MTHFD1: variants seen among roughly 807,000 people sequenced by gnomAD.
MTHFD1 encodes C-1-tetrahydrofolate synthase, cytoplasmic.
A neutral mutation model predicts 110.3 loss-of-function variants in MTHFD1; 44 were observed. The observed-to-expected ratio is 0.40, with a 90% CI of 0.31 to 0.51. MTHFD1 has a LOEUF of 0.51. Ranked by LOEUF, MTHFD1 falls within the 20% of genes least tolerant of loss-of-function variation. The pLI, the probability that MTHFD1 is intolerant of heterozygous loss-of-function variation, is 0.60. For missense variants in MTHFD1, 909 were observed against 1,173.1 expected, an observed-to-expected ratio of 0.77 and a Z score of 3.29; for synonymous variants, 402 against 428.8, an observed-to-expected ratio of 0.94 and a Z score of 0.77.
At chr14:64,389,295 G>A (rs867832724) in intron 1 of MTHFD1, among the ~76,000 whole-genome samples, 5 of 152,110 alleles carry the variant, frequency 3.3e-5, no homozygotes, top group Admixed American at 6.6e-5. Flanking sequence ...GTTTGCTCTT[G>A]GGACCTTTCA....
chr14:64,443,840 A>G (rs2078267367), intron 21 of MTHFD1, among the ~76,000 whole-genome samples: 1 of 152,114 alleles, frequency 6.6e-6, no homozygotes, highest in Non-Finnish European at 1.5e-5. Context: ...GGAGGGGAAC[A>G]TTTGCACATA....
chr14:64,441,010 T>C (rs1441411152), intron 18 of MTHFD1: 1 of 335,426 alleles, frequency 3.0e-6, no homozygotes, highest in Non-Finnish European at 5.8e-6. Flanking sequence ...GCTAACACAA[T>C]GAAACCCTGT....
rs1270219096 is a variant in MTHFD1 at position 64,424,346 on chromosome 14, TGAA to T, written c.728-457_728-455del. ...TAGCTGTGTCTTTGGAATTGGATGT[TGAA>T]TTGTTCCTCCAGCTCACACATGGAG... On this transcript the variant is annotated intron_variant, in intron 8 of 27. Transcript: ENST00000652337. 1.6e-4 allele frequency: 35 copies of T among 212,330 alleles called. No homozygotes were observed. In the Admixed American group the frequency reaches 1.7e-3, roughly 10 times the overall value. 13.2% of individuals were successfully genotyped at this position (212,330 alleles called of 1,614,324 possible).
At chr14:64,442,617 C>T (rs1304896970) in intron 21 of MTHFD1, among the ~76,000 whole-genome samples, 1 of 152,206 alleles carries the variant, frequency 6.6e-6, no homozygotes, top group Non-Finnish European at 1.5e-5. Flanking sequence ...AAATCGGCTG[C>T]CTGGCCTACC....
At chr14:64,421,271 G>A (rs1189928283) in intron 8 of MTHFD1, among the ~76,000 whole-genome samples, 1 of 152,168 alleles carries the variant, frequency 6.6e-6, no homozygotes, top group Non-Finnish European at 1.5e-5. Context: ...CAAGGGCAGT[G>A]GTCACTGTGG....
At chr14:64,448,658 G>T in intron 23 of MTHFD1, 1 of 314,260 alleles carries the variant, frequency 3.2e-6, no homozygotes. Flanking sequence ...TACTAGATCT[G>T]GTGGGATGTT....
At chr14:64,435,702 T>C in intron 16 of MTHFD1, 31 bp downstream of exon 16, 1 of 1,286,518 alleles carries the variant, frequency 7.8e-7, no homozygotes. Context: ...CCCCGTTTGT[T>C]TTGGCTATAT....
chr14:64,405,424 A>C (rs1310231679), intron 2 of MTHFD1, among the ~76,000 whole-genome samples: 1 of 152,188 alleles, frequency 6.6e-6, no homozygotes, highest in Non-Finnish European at 1.5e-5. Context: ...GTACTTTAGC[A>C]CCAGAGTCAA....
intron 16 of MTHFD1, among the ~76,000 whole-genome samples, chr14:64,437,446 C>T (rs1039427159): frequency 6.6e-6 from 1 of 152,182 alleles, no homozygotes; most frequent in Admixed American, 6.5e-5. Context: ...GTACTCTCAG[C>T]ACCTCACTTC....
At chr14:64,455,059 G>A in intron 26 of MTHFD1, 184 bp downstream of exon 26, 1 of 634,982 alleles carries the variant, frequency 1.6e-6, no homozygotes, top group Admixed American at 2.5e-5. Context: ...CTCTTGCTGT[G>A]GACCATCTTG....
At chr14:64,394,907 T>C (rs1280938366) in intron 1 of MTHFD1, among the ~76,000 whole-genome samples, 1 of 152,192 alleles carries the variant, frequency 6.6e-6, no homozygotes, top group African/African-American at 2.4e-5. Flanking sequence ...CCATTCTTTC[T>C]ACCTTCCCCT....
chr14:64,449,441 A>G lies in MTHFD1; in HGVS notation c.2280-4A>G. The stretch of plus-strand genomic sequence containing the variant: ...TGCTTTGATATGAAATGCTTCCTTT[A>G]TAGGACGGATACAGAGTCTGAGCTG... On this transcript the variant is annotated splice_region_variant and splice_polypyrimidine_tract_variant and intron_variant, in intron 23 of 27. Transcript: ENST00000652337. 2 of 1,612,996 alleles carry G rather than the reference A, an allele frequency of 1.2e-6. No homozygotes were observed. Among genetic ancestry groups the G allele is most frequent in the African/African-American group, 2.7e-5 (2 of 75,030 alleles).
chr14:64,438,008 G>A (rs1432490537), intron 16 of MTHFD1, among the ~76,000 whole-genome samples: 3 of 152,110 alleles, frequency 2.0e-5, no homozygotes, highest in Non-Finnish European at 2.9e-5. Flanking sequence ...TGAGAAGCTG[G>A]GATTACAGGC....
chr14:64,430,522 T>C (rs890951192), intron 13 of MTHFD1, among the ~76,000 whole-genome samples: 18 of 151,054 alleles, frequency 1.2e-4, no homozygotes, highest in African/African-American at 4.5e-4. Flanking sequence ...GGTCTTGAAC[T>C]CCTGACCTCG....
At chr14:64,399,569 GA>G (rs1258703536) in intron 1 of MTHFD1, among the ~76,000 whole-genome samples, 1 of 148,280 alleles carries the variant, frequency 6.7e-6, no homozygotes, top group East Asian at 2.0e-4. Flanking sequence ...TGAGGCAGCA[GA>G]ATCGCTTGAA....
At chr14:64,437,746 C>T (rs3783725) in intron 16 of MTHFD1, among the ~76,000 whole-genome samples, 47,481 of 152,032 alleles carry the variant, frequency 0.31, 7,797 homozygotes, top group East Asian at 0.59. Flanking sequence ...AAGCATTTCA[C>T]TTGTGTTTAT....
intron 2 of MTHFD1, among the ~76,000 whole-genome samples, chr14:64,406,141 T>G (rs770990508): frequency 1.5e-4 from 22 of 151,254 alleles, no homozygotes; most frequent in Non-Finnish European, 3.1e-4. Flanking sequence ...TGGGTTCAAG[T>G]GATTCTCCTG....
intron 8 of MTHFD1, 118 bp from the exon 9 acceptor site, chr14:64,424,686 T>C: frequency 9.3e-7 from 1 of 1,071,812 alleles, no homozygotes; most frequent in Non-Finnish European, 1.4e-6. Flanking sequence ...TTAAGTTAAG[T>C]AGGCACTGGA....
intron 2 of MTHFD1, among the ~76,000 whole-genome samples, chr14:64,404,152 A>C (rs1402601426): frequency 6.6e-6 from 1 of 152,214 alleles, no homozygotes; most frequent in Non-Finnish European, 1.5e-5. Context: ...TGTGGGCCAC[A>C]TTATCAGAAC....
Sources: gnomAD v4.1 joint callset for allele counts (sites outside exome capture counted in the v4.1 genomes callset) on GRCh38, gnomAD v4.1.1 for gene constraint, MANE v1.5 for transcripts, NCBI Gene and HGNC (gene_info 2026-07-23, HGNC 2026-07-21) for gene names.